Variants in SVOP observed in about 807,000 individuals in gnomAD.
The protein encoded by SVOP is synaptic vesicle 2-related protein.
Under a neutral mutation model 69.1 loss-of-function variants are expected in SVOP, and 17 were observed. That is an observed-to-expected ratio of 0.25 (90% CI 0.17 to 0.37). The LOEUF is 0.37. SVOP is among the 10% of genes least tolerant of loss of function. SVOP has a pLI of 1.00. For synonymous variants in SVOP, 238 were observed against 238.6 expected (o/e 1.00, Z 0.02); for missense variants, 435 against 597.5 (o/e 0.73, Z 2.84).
intron 6 of SVOP, among the ~76,000 whole-genome samples, chr12:108,955,240 G>A (rs980662429): frequency 6.6e-6 from 1 of 152,200 alleles, no homozygotes; most frequent in African/African-American, 2.4e-5. Flanking sequence ...AGCATCCCTG[G>A]TAAGGGAATT....
chr12:108,919,582 C>T (rs2039736133), intron 13 of SVOP, 93 bp downstream of exon 13: 1 of 963,822 alleles, frequency 1.0e-6, no homozygotes, highest in Non-Finnish European at 1.6e-6. Flanking sequence ...TACATTAACA[C>T]CTGGCCCGCA....
intron 1 of SVOP, among the ~76,000 whole-genome samples, chr12:108,986,624 G>C (rs551802037): frequency 1.3e-5 from 2 of 152,204 alleles, no homozygotes; most frequent in South Asian, 4.2e-4. Context: ...ATAGGCAAAG[G>C]ACTTCAAGAG....
intron 5 of SVOP, among the ~76,000 whole-genome samples, chr12:108,970,178 C>T (rs182355752): frequency 5.9e-5 from 9 of 152,270 alleles, no homozygotes; most frequent in East Asian, 3.9e-4. Flanking sequence ...ATTGCTGGAA[C>T]GTTCATTCAT....
At chr12:108,956,063 G>A (rs2039983752) in intron 6 of SVOP, among the ~76,000 whole-genome samples, 1 of 152,156 alleles carries the variant, frequency 6.6e-6, no homozygotes, top group African/African-American at 2.4e-5. Flanking sequence ...CACTTTGGGA[G>A]GCTGAGGTGG....
Position 109,002,826 on chromosome 12 carries a change from G to T in SVOP, c.35+18008C>A, listed in dbSNP as rs1376822114. On this transcript the variant is annotated intron_variant, in intron 1 of 15. Coordinates refer to ENST00000610966, the MANE Select transcript of SVOP (RefSeq NM_018711.5). ...ACTGTGGTGGGGTGGGGGGAGGGGGGAGGGATAGCATTGGGAGATATACCT... is the reference window on the plus strand; with the variant it reads ...ACTGTGGTGGGGTGGGGGGAGGGGGTAGGGATAGCATTGGGAGATATACCT... 1.6e-4 allele frequency among the ~76,000 whole-genome samples: 17 copies of T among 103,442 alleles called. 1 individual carries two copies. Among genetic ancestry groups the T allele is most frequent in the African/African-American group, 6.3e-4 (17 of 27,088 alleles). The allele number at this position is 103,442 out of a possible 152,430, so 67.9% of individuals were successfully genotyped here. A position where few individuals can be genotyped will look rare whatever the true frequency, so the allele number is the denominator to read the frequency against.
chr12:108,912,870 C>T, intron 15 of SVOP, 129 bp from the exon 16 acceptor site: 3 of 946,888 alleles, frequency 3.2e-6, no homozygotes, highest in Middle Eastern at 3.2e-4. Context: ...CTGGTGATTC[C>T]CTCCTCTCCC....
At chr12:108,936,589 C>T (rs1031384740) in intron 10 of SVOP, among the ~76,000 whole-genome samples, 1 of 152,162 alleles carries the variant, frequency 6.6e-6, no homozygotes, top group Non-Finnish European at 1.5e-5. Flanking sequence ...GATCCTCCCA[C>T]CTCAGCCTCC....
At chr12:108,938,786 C>T (rs2039871133) in intron 9 of SVOP, 41 bp downstream of exon 9, 2 of 1,613,376 alleles carry the variant, frequency 1.2e-6, no homozygotes, top group African/African-American at 1.3e-5. Context: ...TGCATGCACC[C>T]CGATACGCAC....
chr12:108,948,149 A>G (rs2039935180), intron 6 of SVOP, among the ~76,000 whole-genome samples: 1 of 152,150 alleles, frequency 6.6e-6, no homozygotes, highest in Non-Finnish European at 1.5e-5. Flanking sequence ...CCTGTGGAGC[A>G]ATGAACACTC....
chr12:108,937,124 A>G, intron 10 of SVOP, 140 bp downstream of exon 10: 2 of 767,960 alleles, frequency 2.6e-6, no homozygotes, highest in Non-Finnish European at 4.6e-6. Context: ...GACGGAAATC[A>G]GGAGGATGAT....
intron 1 of SVOP, among the ~76,000 whole-genome samples, chr12:109,011,477 C>A (rs2040341248): frequency 6.6e-6 from 1 of 152,106 alleles, no homozygotes; most frequent in Admixed American, 6.6e-5. Context: ...CCTCCTTTGG[C>A]CCCACTAGGT....
chr12:109,003,356 G>A (rs1009928659), intron 1 of SVOP, among the ~76,000 whole-genome samples: 5 of 152,188 alleles, frequency 3.3e-5, no homozygotes, highest in South Asian at 2.1e-4. Context: ...ACTATTGACC[G>A]TGCTCTAGTT....
At chr12:108,921,437 C>G (rs75948191) in intron 12 of SVOP, among the ~76,000 whole-genome samples, 1 of 151,946 alleles carries the variant, frequency 6.6e-6, no homozygotes, top group African/African-American at 2.4e-5. Flanking sequence ...AAGAAAGGAC[C>G]AGCAGGAGAG....
intron 1 of SVOP, among the ~76,000 whole-genome samples, chr12:108,993,378 CAAA>C (rs371842542): frequency 2.1e-5 from 3 of 139,916 alleles, no homozygotes; most frequent in Non-Finnish European, 1.5e-5. Flanking sequence ...ATTTTGCCTT[CAAA>C]AAAAAAAAAA....
At chr12:109,003,502 GA>G (rs1195731827) in intron 1 of SVOP, among the ~76,000 whole-genome samples, 1 of 152,194 alleles carries the variant, frequency 6.6e-6, no homozygotes, top group Admixed American at 6.5e-5. Flanking sequence ...GAGGAAATAT[GA>G]GCTTCCTGCA....
intron 11 of SVOP, among the ~76,000 whole-genome samples, chr12:108,928,908 G>A (rs1054496237): frequency 1.3e-5 from 2 of 152,164 alleles, no homozygotes; most frequent in Admixed American, 1.3e-4. Flanking sequence ...AAAACCCTCA[G>A]GTGAGAGGTG....
At chr12:108,934,084 G>C (rs1432400050) in intron 11 of SVOP, 111 bp downstream of exon 11, 5 of 908,304 alleles carry the variant, frequency 5.5e-6, no homozygotes, top group Non-Finnish European at 8.4e-6. Context: ...CACAGAAGTA[G>C]TACAAGGCCA....
At chr12:109,003,443 C>T (rs1376832870) in intron 1 of SVOP, among the ~76,000 whole-genome samples, 2 of 152,138 alleles carry the variant, frequency 1.3e-5, no homozygotes, top group Admixed American at 6.5e-5. Context: ...AGCTTGCAGA[C>T]GGTTGTGAGC....
At chr12:108,976,975 A>C (rs565291109) in intron 4 of SVOP, among the ~76,000 whole-genome samples, 39 of 152,342 alleles carry the variant, frequency 2.6e-4, no homozygotes, top group African/African-American at 8.7e-4. Flanking sequence ...AGGGTTCTGC[A>C]GCCTCCTCCT....
Sources: gnomAD v4.1 joint callset for allele counts (sites outside exome capture counted in the v4.1 genomes callset) on GRCh38, gnomAD v4.1.1 for gene constraint, MANE v1.5 for transcripts, NCBI Gene and HGNC (gene_info 2026-07-23, HGNC 2026-07-21) for gene names.